Variants in SOX5 observed in about 807,000 individuals in gnomAD.
SOX5 encodes transcription factor SOX-5.
A neutral mutation model predicts 92.0 loss-of-function variants in SOX5; 9 were observed. The ratio of observed to expected loss-of-function variants is 0.10; its 90% confidence interval spans 0.06 to 0.17. SOX5 has a LOEUF of 0.17. Ranked by LOEUF, SOX5 falls within the 10% of genes least tolerant of loss-of-function variation. The pLI is 1.00. For synonymous variants in SOX5, 344 were observed against 336.3 expected, an observed-to-expected ratio of 1.02 and a Z score of -0.25; for missense variants, 642 against 944.5, an observed-to-expected ratio of 0.68 and a Z score of 4.20.
chr12:24,056,838 A>G lies in SOX5; in HGVS notation c.-2+156505T>C, dbSNP rs771216704. Among the ~76,000 whole-genome samples the G allele has an allele frequency of 6.2e-3, 921 of 148,656 alleles. 4 individuals carry two copies. The highest frequency in any genetic ancestry group is 8.7e-3 in the Non-Finnish European group (579 of 66,660). ...AAAATACAAAAAATTAGCCGGGCGT[A>G]GTGGCGGGCGCCTGTAGTCCCAGCT... On this transcript the variant is annotated intron_variant, in intron 4 of 4. Coordinates refer to the SOX5 transcript ENST00000446891.
At chr12:24,118,120 C>T (rs189618479) in intron 4 of SOX5, among the ~76,000 whole-genome samples, 6 of 148,346 alleles carry the variant, frequency 4.0e-5, no homozygotes, top group South Asian at 2.1e-4. Context: ...ATGAGGAAAA[C>T]GGAGATGTTG....
chr12:23,924,473 C>G (rs914573331), intron 1 of SOX5, among the ~76,000 whole-genome samples: 2 of 151,986 alleles, frequency 1.3e-5, no homozygotes, highest in Admixed American at 6.6e-5. Context: ...GTGAAAGCAC[C>G]AAAAATGCTA....
chr12:23,890,740 C>G (rs2137498840), intron 2 of SOX5, among the ~76,000 whole-genome samples: 1 of 151,620 alleles, frequency 6.6e-6, no homozygotes, highest in South Asian at 2.1e-4. Flanking sequence ...CTATTATTAA[C>G]AGTGACCCCA....
intron 8 of SOX5, among the ~76,000 whole-genome samples, chr12:23,635,533 G>A (rs2079111656): frequency 6.6e-6 from 1 of 152,066 alleles, no homozygotes; most frequent in African/African-American, 2.4e-5. Flanking sequence ...TGGGGTGGGA[G>A]GAGGGGGGAG....
chr12:24,475,187 T>C (rs1945231782), intron 1 of SOX5, among the ~76,000 whole-genome samples: 1 of 152,158 alleles, frequency 6.6e-6, no homozygotes, highest in Non-Finnish European at 1.5e-5. Flanking sequence ...TTTTGCTCTG[T>C]GTCTACTCTT....
chr12:23,974,914 C>T (rs755326228), intron 4 of SOX5, among the ~76,000 whole-genome samples: 1 of 151,948 alleles, frequency 6.6e-6, no homozygotes, highest in East Asian at 1.9e-4. Context: ...AGAAAATATT[C>T]TAGATATGTT....
At chr12:23,721,502 A>G (rs781400298) in intron 6 of SOX5, among the ~76,000 whole-genome samples, 1 of 150,816 alleles carries the variant, frequency 6.6e-6, no homozygotes. Context: ...ACCCTCATCA[A>G]AAAAAAAAAC....
intron 1 of SOX5, among the ~76,000 whole-genome samples, chr12:24,422,312 T>C (rs886187668): frequency 6.6e-6 from 1 of 152,122 alleles, no homozygotes; most frequent in Non-Finnish European, 1.5e-5. Flanking sequence ...ACATTTCCCA[T>C]CCCAAGGAAA....
chr12:24,502,339 A>G (rs983012348), intron 1 of SOX5, among the ~76,000 whole-genome samples: 1 of 152,238 alleles, frequency 6.6e-6, no homozygotes, highest in Non-Finnish European at 1.5e-5. Flanking sequence ...GCACTTCAAA[A>G]GGATATGGGC....
intron 4 of SOX5, among the ~76,000 whole-genome samples, chr12:24,122,072 T>C (rs1339906635): frequency 1.3e-5 from 2 of 152,002 alleles, no homozygotes; most frequent in Non-Finnish European, 2.9e-5. Context: ...GCTTACACAA[T>C]TCTGATTGAA....
intron 2 of SOX5, among the ~76,000 whole-genome samples, chr12:24,286,724 C>G (rs1945911566): frequency 6.6e-6 from 1 of 151,984 alleles, no homozygotes; most frequent in Non-Finnish European, 1.5e-5. Context: ...ACACAGATCT[C>G]AGTACATTAT....
intron 3 of SOX5, among the ~76,000 whole-genome samples, chr12:23,833,518 C>G (rs2096365030): frequency 6.6e-6 from 1 of 151,922 alleles, no homozygotes; most frequent in African/African-American, 2.4e-5. Flanking sequence ...TTATCTATGG[C>G]CACTAATCCA....
intron 1 of SOX5, among the ~76,000 whole-genome samples, chr12:24,428,222 A>AC: frequency 6.6e-6 from 1 of 152,058 alleles, no homozygotes; most frequent in East Asian, 1.9e-4. Flanking sequence ...CAAAAAAAAA[A>AC]AAAACCTGAG....
At chr12:24,326,312 C>T (rs1242586836) in intron 2 of SOX5, among the ~76,000 whole-genome samples, 1 of 152,058 alleles carries the variant, frequency 6.6e-6, no homozygotes, top group Non-Finnish European at 1.5e-5. Flanking sequence ...GACAAACAAT[C>T]TAGGATGCAA....
chr12:24,386,565 A>G lies in SOX5; in HGVS notation c.-250-17926T>C, dbSNP rs1958439211. Among the ~76,000 whole-genome samples, 3 of 152,284 alleles carry G rather than the reference A, an allele frequency of 2.0e-5. No individual in the cohort carries two copies. In the East Asian group the frequency reaches 5.8e-4, roughly 29 times the overall value. On this transcript the variant is annotated intron_variant, in intron 1 of 4. Transcript: ENST00000446891. ...AACAGTGAAGAATAAAACAACATAC[A>G]TAAATATATGAAATTGGCAAGAATT...
At chr12:24,089,853 G>A (rs926670477) in intron 4 of SOX5, among the ~76,000 whole-genome samples, 3 of 152,210 alleles carry the variant, frequency 2.0e-5, no homozygotes, top group African/African-American at 4.8e-5. Flanking sequence ...TGGATGGTTC[G>A]TTAGCCCTCC....
At chr12:24,025,600 C>T (rs1954792723) in intron 4 of SOX5, among the ~76,000 whole-genome samples, 1 of 151,960 alleles carries the variant, frequency 6.6e-6, no homozygotes, top group Non-Finnish European at 1.5e-5. Context: ...ACTCTCTACC[C>T]CTATCTAGTG....
chr12:23,578,263 A>AT (rs1949551633), intron 9 of SOX5, among the ~76,000 whole-genome samples: 1 of 149,618 alleles, frequency 6.7e-6, no homozygotes, highest in African/African-American at 2.5e-5. Context: ...GTGTCCTCAC[A>AT]TTTTAATCTA....
At chr12:23,773,103 C>G (rs2094986399) in intron 3 of SOX5, among the ~76,000 whole-genome samples, 1 of 152,090 alleles carries the variant, frequency 6.6e-6, no homozygotes, top group Non-Finnish European at 1.5e-5. Flanking sequence ...GATATAAATA[C>G]TTAACATTCT....
Sources: gnomAD v4.1 joint callset for allele counts (sites outside exome capture counted in the v4.1 genomes callset) on GRCh38, gnomAD v4.1.1 for gene constraint, MANE v1.5 for transcripts, NCBI Gene and HGNC (gene_info 2026-07-23, HGNC 2026-07-21) for gene names.